Variants in SULT6B1 observed in about 807,000 individuals in gnomAD.
SULT6B1 encodes the protein sulfotransferase 6B1.
A neutral mutation model predicts 37.2 loss-of-function variants in SULT6B1; 44 were observed. The observed-to-expected ratio is 1.18, with a 90% CI of 0.93 to 1.52. The LOEUF is 1.52. Ranked by LOEUF, SULT6B1 falls within the 40% of genes most tolerant of loss-of-function variation. SULT6B1 has a pLI of 0.00. For synonymous variants in SULT6B1, 140 were observed against 126.0 expected, an observed-to-expected ratio of 1.11 and a Z score of -0.74; for missense variants, 450 against 361.0, an observed-to-expected ratio of 1.25 and a Z score of -2.00.
chr2:37,173,548 G>A (rs1270980750), intron 5 of SULT6B1, among the ~76,000 whole-genome samples: 1 of 152,062 alleles, frequency 6.6e-6, no homozygotes. Flanking sequence ...AATTTAATGT[G>A]TCCAAAACCA....
chr2:37,176,459 C>T (rs1351096818), intron 4 of SULT6B1, among the ~76,000 whole-genome samples: 3 of 151,884 alleles, frequency 2.0e-5, no homozygotes, highest in East Asian at 3.9e-4. Context: ...GAGGTTTCAC[C>T]ATATTGGTCA....
Position 37,171,517 on chromosome 2 carries a change from A to T in SULT6B1, c.698T>A (p.Ile233Asn), listed in dbSNP as rs146656504. The T allele has an allele frequency of 4.3e-6, 7 of 1,614,038 alleles. No individual in the cohort carries two copies. In the African/African-American group the frequency reaches 9.3e-5, roughly 22 times the overall value. The change falls in exon 6 of 7, where the codon ATC (isoleucine) becomes AAC (asparagine). Residue 233 changes from isoleucine (I) to asparagine (N), a missense_variant. Coordinates refer to ENST00000535679, the MANE Select transcript of SULT6B1 (RefSeq NM_001367551.1). The part of the protein sequence containing the change: ...FFLTGEQIQT[I>N]SVQSTFQAMR... ...GGCTTGGAAGGTGCTCTGGACTGAG[A>T]TAGTTTGAATTTGCTCCCCAGTTAG...
At chr2:37,183,858 G>A (rs1266743578) in intron 2 of SULT6B1, among the ~76,000 whole-genome samples, 2 of 152,092 alleles carry the variant, frequency 1.3e-5, no homozygotes, top group African/African-American at 4.8e-5. Context: ...TGGCCTGGCT[G>A]GTCTGAAACT....
At chr2:37,182,382 T>C (rs1676573157) in intron 3 of SULT6B1, among the ~76,000 whole-genome samples, 1 of 152,056 alleles carries the variant, frequency 6.6e-6, no homozygotes, top group South Asian at 2.1e-4. Context: ...GGCTCCCAAG[T>C]AGCTGAGATT....
upstream of SULT6B1, chr2:37,191,062 C>T (rs1167985453): frequency 1.3e-5 from 2 of 151,906 alleles, no homozygotes; most frequent in Non-Finnish European, 2.9e-5. Flanking sequence ...ATTTTAAAAG[C>T]TGGGGTTCCT....
upstream of SULT6B1, among the ~76,000 whole-genome samples, chr2:37,192,783 T>A (rs1054085166): frequency 1.3e-5 from 2 of 152,214 alleles, no homozygotes; most frequent in Non-Finnish European, 2.9e-5. Context: ...TGGATCTTGT[T>A]CTGACACTAA....
chr2:37,173,392 C>T (rs76931869), intron 5 of SULT6B1, among the ~76,000 whole-genome samples: 7 of 152,056 alleles, frequency 4.6e-5, no homozygotes, highest in African/African-American at 1.2e-4. Flanking sequence ...TATATACCTA[C>T]GTATATATTT....
At position 37,188,648 on chromosome 2, in the gene SULT6B1, C is replaced by G; in HGVS notation, c.-8G>C. On this transcript the variant is annotated 5_prime_UTR_variant, in exon 1 of 7. Coordinates refer to ENST00000535679, the MANE Select transcript of SULT6B1 (RefSeq NM_001367551.1). Reference sequence around the variant, plus strand: ...TTTGGATTTATCAGCCATGGTGGCTCCCTGTAAAAGAACCTGCTCTGTGGC... The same window carrying G: ...TTTGGATTTATCAGCCATGGTGGCTGCCTGTAAAAGAACCTGCTCTGTGGC... 9.5e-7 allele frequency: 1 copy of G among 1,053,732 alleles called. No individual in the cohort carries two copies. The highest frequency in any genetic ancestry group is 1.4e-6 in the Non-Finnish European group (1 of 691,750). The allele number at this position is 1,053,732 out of a possible 1,614,324, so 65.3% of individuals were successfully genotyped here.
chr2:37,171,326 G>C (rs1676292560), intron 6 of SULT6B1, 108 bp downstream of exon 6: 1 of 1,356,738 alleles, frequency 7.4e-7, no homozygotes, highest in African/African-American at 1.5e-5. Context: ...TACTGAGGCG[G>C]AGAAAAATAA....
chr2:37,189,439 A>G (rs1676739194), upstream of SULT6B1, among the ~76,000 whole-genome samples: 1 of 152,208 alleles, frequency 6.6e-6, no homozygotes, highest in Admixed American at 6.5e-5. Flanking sequence ...CACTTAGAAG[A>G]CACCCAAGTG....
upstream of SULT6B1, among the ~76,000 whole-genome samples, chr2:37,190,899 G>A (rs879582484): frequency 1.2e-4 from 18 of 152,030 alleles, no homozygotes; most frequent in Non-Finnish European, 2.1e-4. Flanking sequence ...TCTGTAGTTG[G>A]GGCTCTGCAC....
At chr2:37,191,065 G>C (rs1676770117), upstream of SULT6B1, 1 of 152,012 alleles carries the variant, frequency 6.6e-6, no homozygotes, top group South Asian at 2.1e-4. Context: ...TTAAAAGCTG[G>C]GGTTCCTGGT....
At chr2:37,194,666 T>C in intron 1 of SULT6B1, 1 of 251,010 alleles carries the variant, frequency 4.0e-6, no homozygotes, top group Non-Finnish European at 8.0e-6. Context: ...TGTTGGTGTA[T>C]TCTTGGGTCA....
intron 1 of SULT6B1, among the ~76,000 whole-genome samples, chr2:37,195,842 G>C (rs1299258534): frequency 6.7e-6 from 1 of 148,378 alleles, no homozygotes; most frequent in Non-Finnish European, 1.5e-5. Context: ...TTTTTTTTGA[G>C]ACAAAGTCTC....
intron 4 of SULT6B1, among the ~76,000 whole-genome samples, chr2:37,177,184 C>G (rs13008982): frequency 0.28 from 43,100 of 151,762 alleles, 6,817 homozygotes; most frequent in Non-Finnish European, 0.35. Flanking sequence ...GGAGGGAGGA[C>G]ATTATGTTAA....
chr2:37,177,411 CAAAAAAAAAAAAA>C (rs57205863), intron 4 of SULT6B1, among the ~76,000 whole-genome samples: 4 of 76,296 alleles, frequency 5.2e-5, no homozygotes, highest in African/African-American at 2.0e-4. Context: ...AATCTTGTCT[CAAAAAAAAAAAAA>C]AAAAAAAAAG....
rs773762958 is a variant in SULT6B1 at position 37,179,414 on chromosome 2, G to A, written c.529+44C>T. The A allele has an allele frequency of 1.9e-6, 3 of 1,607,860 alleles. No homozygotes were observed. In the South Asian group the frequency reaches 3.3e-5, roughly 18 times the overall value. ...ACATTTGGGTTTTCACATTTATGTG[G>A]TCATCTGATCAAGTAAGAATAATTC... On this transcript the variant is annotated intron_variant, in intron 4 of 6. Coordinates refer to ENST00000535679, the MANE Select transcript of SULT6B1 (RefSeq NM_001367551.1).
intron 5 of SULT6B1, among the ~76,000 whole-genome samples, chr2:37,174,767 T>C (rs533690409): frequency 1.4e-5 from 2 of 147,474 alleles, no homozygotes; most frequent in Non-Finnish European, 3.0e-5. Context: ...TAGATATTTG[T>C]TACATCAATA....
At chr2:37,185,104 A>G (rs952146424) in intron 2 of SULT6B1, among the ~76,000 whole-genome samples, 1 of 152,200 alleles carries the variant, frequency 6.6e-6, no homozygotes, top group African/African-American at 2.4e-5. Flanking sequence ...AAAATTGCAC[A>G]GGTGGTTATT....
Sources: allele counts gnomAD v4.1 joint callset (sites outside exome capture counted in the v4.1 genomes callset), GRCh38; gene constraint gnomAD v4.1.1; transcripts MANE v1.5; gene names NCBI Gene and HGNC (gene_info 2026-07-23, HGNC 2026-07-21).